RAB3A: variants seen among roughly 807,000 people sequenced by gnomAD.
RAB3A encodes ras-related protein Rab-3A.
RAB3A carries 5 observed loss-of-function variants against 19.7 expected under a neutral mutation model. The ratio of observed to expected loss-of-function variants is 0.25; its 90% CI spans 0.13 to 0.53. RAB3A has a LOEUF of 0.53. Among genes scored for constraint, RAB3A ranks in the 20% least tolerant of loss-of-function variants. The pLI is 0.95. For synonymous variants in RAB3A, 119 were observed against 122.1 expected, an observed-to-expected ratio of 0.97 and a Z score of 0.17; for missense variants, 189 against 305.6, an observed-to-expected ratio of 0.62 and a Z score of 2.85.
rs745538795 is a variant in RAB3A at position 18,202,704 on chromosome 19, CCTT to C, written c.34_36del (p.Lys12del). ...TAGTCGAAGTTCTGATCCGAGGACTCCTTCTGCCCATAGCGCGAGTCTGTGGCG... is the reference window on the plus strand; with the variant it reads ...TAGTCGAAGTTCTGATCCGAGGACTCCTGCCCATAGCGCGAGTCTGTGGCG... On this transcript the variant is annotated inframe_deletion, in exon 2 of 5. Transcript: ENST00000222256. This position sits in a 1 kb window ranked among gnomAD's most constrained non-coding sequence, Gnocchi z 4.2. 8 of 1,614,168 alleles carry C rather than the reference CCTT, an allele frequency of 5.0e-6. No homozygotes were observed. The South Asian group carries it at 6.6e-5, about 13-fold the overall frequency.
chr19:18,198,652 T>G, intron 4 of RAB3A, 73 bp downstream of exon 4: 1 of 1,584,508 alleles, frequency 6.3e-7, no homozygotes, highest in African/African-American at 1.3e-5. Flanking sequence ...TGTAAGACCT[T>G]GGGTGTGTGC....
At position 18,202,898 on chromosome 19, in the gene RAB3A, A is replaced by T; in HGVS notation, c.1-158T>A. On this transcript the variant is annotated intron_variant, in intron 1 of 4. Transcript: ENST00000222256. The surrounding 1 kb of genome is among the most constrained non-coding windows in gnomAD (Gnocchi z 4.2). Reference sequence around the variant, plus strand: ...CCCAGTATTAATTGGTGGTGCCCCCAGCAGAGGGCAGCCTGTGACCTTGAA... The same window carrying T: ...CCCAGTATTAATTGGTGGTGCCCCCTGCAGAGGGCAGCCTGTGACCTTGAA... 1 of 606,538 alleles carries T rather than the reference A, an allele frequency of 1.6e-6. No homozygotes were observed. The highest frequency in any genetic ancestry group is 2.9e-6 in the Non-Finnish European group (1 of 342,248). 37.6% of individuals were successfully genotyped at this position (606,538 alleles called of 1,614,324 possible).
Position 18,200,353 on chromosome 19 carries a change from C to T in RAB3A, c.321G>A (p.Glu107=). 6.2e-7 allele frequency: 1 copy of T among 1,613,600 alleles called. No individual in the cohort carries two copies. The highest frequency in any genetic ancestry group is 8.5e-7 in the Non-Finnish European group (1 of 1,179,646). ...GFILMYDITN[E]ESFNAVQDWS... is the part of the protein sequence containing the mutation. ...AGTCCTGCACTGCATTGAAGGATTC[C>T]TCGTTGGTGATGTCATACATGAGGA... The change falls in exon 3 of 5, where the codon GAG becomes GAA. Residue 107 remains glutamate, a synonymous_variant. Transcript: ENST00000222256.
At chr19:18,198,879 G>C (rs1422758293) in intron 3 of RAB3A, 30 bp from the exon 4 acceptor site, 1 of 1,606,478 alleles carries the variant, frequency 6.2e-7, no homozygotes, top group African/African-American at 1.3e-5. Flanking sequence ...GGGCAGGTCA[G>C]GGCTTGGAGG....
In RAB3A at chr19:18,200,309, C is replaced by T. The variant is rs1201047752; in HGVS notation, c.347+18G>A. On this transcript the variant is annotated intron_variant, in intron 3 of 4. Transcript: ENST00000222256. Reference sequence around the variant, plus strand: ...AAGAAAAGAAAAGAAAAAAAAAGAGCAAGTGGGGTACACTCACCAGTCCTG... The same window carrying T: ...AAGAAAAGAAAAGAAAAAAAAAGAGTAAGTGGGGTACACTCACCAGTCCTG... 2 of 1,554,632 alleles carry T rather than the reference C, an allele frequency of 1.3e-6. No homozygotes were observed. The highest frequency in any genetic ancestry group is 3.9e-5 in the Admixed American group (2 of 51,664).
At position 18,198,846 on chromosome 19, in the gene RAB3A, G is replaced by A; in HGVS notation, c.351C>T (p.Ser117=). The change falls in exon 4 of 5, where the codon TCC becomes TCT. Residue 117 remains serine, a synonymous_variant. Coordinates refer to ENST00000222256, the MANE Select transcript of RAB3A (RefSeq NM_002866.5). ...EESFNAVQDW[S]TQIKTYSWDN... ...CCCATGAGTAGGTCTTGATCTGGGT[G>A]GACCTATAGGAGGCACCAATGGGGG... 5 of 1,613,806 alleles carry A rather than the reference G, an allele frequency of 3.1e-6. No individual in the cohort carries two copies. Among genetic ancestry groups the A allele is most frequent in the Non-Finnish European group, 4.2e-6 (5 of 1,179,896 alleles).
At chr19:18,203,222 G>A (rs1038294466) in intron 1 of RAB3A, among the ~76,000 whole-genome samples, 3 of 152,230 alleles carry the variant, frequency 2.0e-5, no homozygotes, top group African/African-American at 7.2e-5. Context: ...ACATGATACA[G>A]GAGGGGCATG....
chr19:18,197,460 G>A lies in RAB3A; in HGVS notation c.*10C>T. ...AGACAGGGAAGAGGGGAAAGGGAGT[G>A]GGATGGCTCTCAGCAGGCGCAGTCC... On this transcript the variant is annotated 3_prime_UTR_variant, in exon 5 of 5. Transcript: ENST00000222256. The A allele has an allele frequency of 1.9e-6, 3 of 1,605,982 alleles. No individual in the cohort carries two copies. The highest frequency in any genetic ancestry group is 1.7e-6 in the Non-Finnish European group (2 of 1,175,458).
chr19:18,198,113 C>T (rs1412378039), intron 4 of RAB3A, among the ~76,000 whole-genome samples: 2 of 152,000 alleles, frequency 1.3e-5, no homozygotes, highest in Admixed American at 6.6e-5. Flanking sequence ...CTGCAGCGTC[C>T]AGCCCAGCCC....
chr19:18,203,302 G>A (rs1056071437), intron 1 of RAB3A, among the ~76,000 whole-genome samples: 3 of 152,190 alleles, frequency 2.0e-5, no homozygotes, highest in African/African-American at 7.2e-5. Flanking sequence ...ACGCACTGAG[G>A]TGCACAGGAC....
intron 1 of RAB3A, among the ~76,000 whole-genome samples, chr19:18,203,100 G>A (rs1376393232): frequency 2.6e-5 from 4 of 152,162 alleles, no homozygotes; most frequent in African/African-American, 7.2e-5. Flanking sequence ...CTCAGAACCC[G>A]GCCGCGCGGC....
intron 2 of RAB3A, 63 bp from the exon 3 acceptor site, chr19:18,200,508 GCT>G: frequency 7.4e-7 from 1 of 1,352,230 alleles, no homozygotes; most frequent in East Asian, 2.3e-5. Flanking sequence ...GAGGAAATGA[GCT>G]CTGATATCAT....
In RAB3A at chr19:18,197,525, T is replaced by C. The variant is rs1470396959; in HGVS notation, c.608A>G (p.Gln203Arg). Residue 203 changes from glutamine (Q) to arginine (R), a missense_variant, in exon 5 of 5, where the codon CAG becomes CGG. Physicochemically the swap from Gln to Arg is conservative, Grantham distance 43. Coordinates refer to ENST00000222256, the MANE Select transcript of RAB3A (RefSeq NM_002866.5). ...TADPAVTGAK[Q>R]GPQLSDQQVP... ...CTGCTGGTCACTGAGCTGTGGGCCCTGCTTGGCGCCTGTGACCGCAGGGTC... is the reference window on the plus strand; with the variant it reads ...CTGCTGGTCACTGAGCTGTGGGCCCCGCTTGGCGCCTGTGACCGCAGGGTC... 1 of 1,613,498 alleles carries C rather than the reference T, an allele frequency of 6.2e-7. No individual in the cohort carries two copies. Among genetic ancestry groups the C allele is most frequent in the East Asian group, 2.2e-5 (1 of 44,878 alleles).
chr19:18,203,384 C>T lies in RAB3A; in HGVS notation c.-1+512G>A, dbSNP rs1967641681. 2.0e-5 allele frequency among the ~76,000 whole-genome samples: 3 copies of T among 152,354 alleles called. No individual in the cohort carries two copies. The South Asian group carries it at 6.2e-4, about 32-fold the overall frequency. On this transcript the variant is annotated intron_variant, in intron 1 of 4. Coordinates refer to ENST00000222256, the MANE Select transcript of RAB3A (RefSeq NM_002866.5). ...GCAAACCACCCGTGCGCACAGGCCCCTCCACCCATGCAGGCGTGTGCACAT... is the reference window on the plus strand; with the variant it reads ...GCAAACCACCCGTGCGCACAGGCCCTTCCACCCATGCAGGCGTGTGCACAT...
intron 2 of RAB3A, among the ~76,000 whole-genome samples, chr19:18,201,261 AAAAAAGAAAGAAAG>A (rs1298680026): frequency 1.0e-4 from 14 of 137,746 alleles, no homozygotes; most frequent in Admixed American, 3.0e-4. Context: ...AAAAAAAAAA[AAAAAAGAAAGAAAG>A]AAAGAAAGAA....
chr19:18,199,819 C>T (rs960588839), intron 3 of RAB3A, among the ~76,000 whole-genome samples: 14 of 151,874 alleles, frequency 9.2e-5, no homozygotes, highest in African/African-American at 2.4e-4. Context: ...CCACCGTGCC[C>T]GGCCATGCCA....
rs371719212 is a variant in RAB3A, at chr19:18,202,767, G to A, written c.1-27C>T. ...TGGGGATACCGGGTGTAGCAGAGCC[G>A]TGAGGGGGGCTCTCTCCATCCTCAT... On this transcript the variant is annotated intron_variant, in intron 1 of 4. Transcript: ENST00000222256. This position sits in a 1 kb window ranked among gnomAD's most constrained non-coding sequence, Gnocchi z 4.2. The A allele has an allele frequency of 6.3e-6, 10 of 1,577,864 alleles. No homozygotes were observed. Among genetic ancestry groups the A allele is most frequent in the Non-Finnish European group, 8.7e-6 (10 of 1,148,310 alleles).
At chr19:18,203,616 C>A (rs958916941) in intron 1 of RAB3A, among the ~76,000 whole-genome samples, 1 of 152,222 alleles carries the variant, frequency 6.6e-6, no homozygotes, top group African/African-American at 2.4e-5. Flanking sequence ...GCACACCACG[C>A]GCACGCGCAC....
chr19:18,197,814 A>T (rs538724036), intron 4 of RAB3A, among the ~76,000 whole-genome samples, 154 bp from the exon 5 acceptor site: 1 of 39,754 alleles, frequency 2.5e-5, no homozygotes, highest in African/African-American at 5.2e-5. Context: ...AACTTATTGA[A>T]GGTACTGACA....
Sources: gnomAD v4.1 joint callset for allele counts (sites outside exome capture counted in the v4.1 genomes callset) on GRCh38, gnomAD v4.1.1 for gene constraint, Gnocchi (gnomAD v3.1) non-coding constraint, MANE v1.5 for transcripts, NCBI Gene and HGNC (gene_info 2026-07-23, HGNC 2026-07-21) for gene names.